RALGAPB: variants seen among roughly 807,000 people sequenced by gnomAD.
The protein encoded by RALGAPB is ral GTPase-activating protein subunit beta.
A neutral mutation model predicts 161.1 loss-of-function variants in RALGAPB; 25 were observed. The ratio of observed to expected loss-of-function variants is 0.16; its 90% CI spans 0.11 to 0.22. The LOEUF (loss-of-function observed/expected upper bound fraction) is 0.22. Among genes scored for constraint, RALGAPB ranks in the 10% least tolerant of loss-of-function variants. The pLI is 1.00. For synonymous variants in RALGAPB, 629 were observed against 626.1 expected, an observed-to-expected ratio of 1.00 and a Z score of -0.07; for missense variants, 1,391 against 1,815.2, an observed-to-expected ratio of 0.77 and a Z score of 4.25.
At chr20:38,551,028 A>AT in intron 20 of RALGAPB, 43 bp from the exon 21 acceptor site, 1 of 1,597,710 alleles carries the variant, frequency 6.3e-7, no homozygotes, top group Non-Finnish European at 8.6e-7. Context: ...ACAGATGGGT[A>AT]TTGGACCCTG....
In RALGAPB at chr20:38,497,429, T is replaced by C; in HGVS notation, c.466T>C (p.Ser156Pro). 6.2e-7 allele frequency: 1 copy of C among 1,614,036 alleles called. No homozygotes were observed. The highest frequency in any genetic ancestry group is 8.5e-7 in the Non-Finnish European group (1 of 1,179,934). ...RAIQKLARESSLMARETWEVL... is the reference protein window; with the variant it reads ...RAIQKLARESPLMARETWEVL... ...CATTCAGAAACTGGCCCGTGAGTCA[T>C]CTCTCATGGCCCGAGAAACTTGGGA... The change falls in exon 4 of 30, where the codon TCT (serine) becomes CCT (proline). Residue 156 changes from serine (S) to proline (P), a missense_variant. Ser to Pro is a moderately conservative substitution (Grantham distance 74). This residue lies in a region of RALGAPB where 946 missense variants were observed against 1,257.2 expected (regional missense o/e 0.75). Coordinates refer to ENST00000262879, the MANE Select transcript of RALGAPB (RefSeq NM_020336.4).
chr20:38,534,498 T>C (rs2086745936), intron 15 of RALGAPB: 2 of 152,548 alleles, frequency 1.3e-5, no homozygotes, highest in Non-Finnish European at 2.9e-5. Context: ...TACATATAGA[T>C]TGGAGCCCAA....
intron 13 of RALGAPB, among the ~76,000 whole-genome samples, chr20:38,528,184 A>T (rs1364370379): frequency 6.6e-6 from 1 of 152,094 alleles, no homozygotes; most frequent in Non-Finnish European, 1.5e-5. Context: ...TTTATTTTTA[A>T]GACTAGAACC....
At chr20:38,482,565 T>G (rs2085000490) in intron 1 of RALGAPB, among the ~76,000 whole-genome samples, 1 of 151,366 alleles carries the variant, frequency 6.6e-6, no homozygotes, top group Non-Finnish European at 1.5e-5. Flanking sequence ...GTAGCTGGGA[T>G]TACAGGCACA....
intron 1 of RALGAPB, among the ~76,000 whole-genome samples, chr20:38,480,142 C>G (rs1225973855): frequency 6.6e-6 from 1 of 151,740 alleles, no homozygotes; most frequent in African/African-American, 2.4e-5. Context: ...CCACCATGCC[C>G]GGCTAAGATA....
chr20:38,502,547 CACAGT>C (rs2085626138), intron 5 of RALGAPB, among the ~76,000 whole-genome samples: 3 of 152,188 alleles, frequency 2.0e-5, no homozygotes, highest in Admixed American at 2.0e-4. Context: ...TATCAATAAA[CACAGT>C]ACAGTGCTGT....
chr20:38,521,457 A>G (rs563211414), intron 9 of RALGAPB, 40 bp from the exon 10 acceptor site: 1 of 1,611,970 alleles, frequency 6.2e-7, no homozygotes, highest in African/African-American at 1.3e-5. Context: ...CCTACGTGGC[A>G]TATTGCAAAT....
At chr20:38,570,986 G>A in intron 28 of RALGAPB, 139 bp downstream of exon 28, 1 of 616,380 alleles carries the variant, frequency 1.6e-6, no homozygotes, top group Non-Finnish European at 2.8e-6. Flanking sequence ...AAAGAAGTTT[G>A]TATACAATGT....
chr20:38,564,944 CCTCTCTCTCTCTCTCTGTCT>C (rs1372396903), intron 24 of RALGAPB, among the ~76,000 whole-genome samples: 1 of 148,430 alleles, frequency 6.7e-6, no homozygotes, highest in Non-Finnish European at 1.5e-5. Flanking sequence ...CCTCTTCCCC[CCTCTCTCTCTCTCTCTGTCT>C]CTCTCTCTCT....
At position 38,506,067 on chromosome 20, in the gene RALGAPB, A is replaced by G. The variant is rs573477356; in HGVS notation, c.741-3010A>G. On this transcript the variant is annotated intron_variant, in intron 5 of 29. Transcript: ENST00000262879. ...TGAATTTGCCTTCTACTGCCTGAGTACTGCATCGAATCTGTGCAAATGAAG... is the reference window on the plus strand; with the variant it reads ...TGAATTTGCCTTCTACTGCCTGAGTGCTGCATCGAATCTGTGCAAATGAAG... Among the ~76,000 whole-genome samples the G allele has an allele frequency of 9.2e-5, 14 of 151,762 alleles. No homozygotes were observed. The East Asian group carries it at 1.7e-3, about 19-fold the overall frequency.
At chr20:38,493,412 C>A (rs1043740376) in intron 3 of RALGAPB, among the ~76,000 whole-genome samples, 1 of 152,120 alleles carries the variant, frequency 6.6e-6, no homozygotes, top group East Asian at 1.9e-4. Flanking sequence ...CCCTTCTACT[C>A]AAAAAAATAT....
chr20:38,542,087 A>C (rs1378486468), intron 18 of RALGAPB, among the ~76,000 whole-genome samples: 1 of 152,196 alleles, frequency 6.6e-6, no homozygotes, highest in East Asian at 1.9e-4. Flanking sequence ...TTGTGGACTG[A>C]ATGGAACAGT....
At chr20:38,513,694 G>T (rs542451120) in intron 6 of RALGAPB, among the ~76,000 whole-genome samples, 21 of 151,340 alleles carry the variant, frequency 1.4e-4, no homozygotes, top group African/African-American at 4.8e-4. Flanking sequence ...CTATAGTACC[G>T]AATTGTTTCG....
chr20:38,523,480 A>G (rs182061724), intron 10 of RALGAPB, among the ~76,000 whole-genome samples: 9 of 152,334 alleles, frequency 5.9e-5, no homozygotes, highest in South Asian at 4.1e-4. Flanking sequence ...AACCAAAACA[A>G]CAGATTCATG....
intron 4 of RALGAPB, 109 bp downstream of exon 4, chr20:38,497,625 T>G (rs928138470): frequency 5.3e-5 from 64 of 1,210,582 alleles, no homozygotes; most frequent in Non-Finnish European, 6.8e-5. Flanking sequence ...GCATGATGGT[T>G]TACAAACAAA....
At chr20:38,540,480 GC>G (rs2086932558) in intron 17 of RALGAPB, among the ~76,000 whole-genome samples, 1 of 152,226 alleles carries the variant, frequency 6.6e-6, no homozygotes, top group Non-Finnish European at 1.5e-5. Flanking sequence ...AATTCACAGT[GC>G]AAATCAAAGG....
At chr20:38,546,171 A>G in intron 18 of RALGAPB, 72 bp from the exon 19 acceptor site, 4 of 1,600,708 alleles carry the variant, frequency 2.5e-6, no homozygotes, top group Non-Finnish European at 3.4e-6. Flanking sequence ...GTGGAAGGGG[A>G]CACATTGATG....
At chr20:38,552,057 C>T (rs1327127549) in intron 21 of RALGAPB, among the ~76,000 whole-genome samples, 1 of 151,792 alleles carries the variant, frequency 6.6e-6, no homozygotes, top group Non-Finnish European at 1.5e-5. Context: ...ATAGAAACTA[C>T]ACTGTTAACA....
rs1167507095 is a variant in RALGAPB at position 38,576,677 on chromosome 20, T to A, written c.*1710T>A. 5.9e-5 allele frequency: 9 copies of A among 152,682 alleles called. No homozygotes were observed. The highest frequency in any genetic ancestry group is 1.9e-4 in the African/African-American group (8 of 41,572). 9.5% of individuals were successfully genotyped at this position (152,682 alleles called of 1,614,324 possible). A position where few individuals can be genotyped will look rare whatever the true frequency, so the allele number is the denominator to read the frequency against. ...TGGGAGAGGGCATATAGGATAAAGATGAGCAAATTCTACCCTAAAAATGTT... is the reference window on the plus strand; with the variant it reads ...TGGGAGAGGGCATATAGGATAAAGAAGAGCAAATTCTACCCTAAAAATGTT... On this transcript the variant is annotated 3_prime_UTR_variant, in exon 30 of 30. Coordinates refer to ENST00000262879, the MANE Select transcript of RALGAPB (RefSeq NM_020336.4).
Sources: allele counts gnomAD v4.1 joint callset (sites outside exome capture counted in the v4.1 genomes callset), GRCh38; gene constraint gnomAD v4.1.1; regional missense constraint gnomAD v4.1.1; transcripts MANE v1.5; gene names NCBI Gene and HGNC (gene_info 2026-07-23, HGNC 2026-07-21).